The following ABCA2 variants were observed in gnomAD, a reference collection of about 807,000 sequenced individuals.
The protein encoded by ABCA2 is ATP-binding cassette sub-family A member 2.
Under a neutral mutation model 262.8 loss-of-function variants are expected in ABCA2, and 84 were observed. The observed-to-expected ratio is 0.32, with a 90% CI of 0.27 to 0.38. ABCA2 has a LOEUF of 0.38. ABCA2 is among the 10% of genes least tolerant of loss of function. ABCA2 has a pLI of 1.00. For synonymous variants in ABCA2, 1,696 were observed against 1,502.9 expected (o/e 1.13, Z -2.97); for missense variants, 2,662 against 3,405.9 (o/e 0.78, Z 5.44).
At chr9:137,012,457 C>A in intron 32 of ABCA2, 28 bp downstream of exon 32, 1 of 1,609,902 alleles carries the variant, frequency 6.2e-7, no homozygotes. Flanking sequence ...CTACACACAG[C>A]GGGGCCCAGG....
rs748544395 is a variant in ABCA2, at chr9:137,014,367, C to A, written c.4041G>T (p.Ala1347=). ...GACCCTCCCCAGACGCCGGGCCCTC[C>A]GCCCCAGGGAGCACATCCTTCCTGG... The part of the protein sequence containing the change: ...KESRKDVLPG[A]EGPASGEGHA... The change falls in exon 27 of 49, where the codon GCG becomes GCT. Residue 1347 remains alanine (A), a synonymous_variant. Coordinates refer to ENST00000341511, the MANE Select transcript of ABCA2 (RefSeq NM_001606.5). The A allele has an allele frequency of 6.9e-6, 11 of 1,597,366 alleles. No individual in the cohort carries two copies. The highest frequency in any genetic ancestry group is 9.4e-6 in the Non-Finnish European group (11 of 1,172,626).
At chr9:137,024,961 G>A (rs1831603475) in intron 1 of ABCA2, among the ~76,000 whole-genome samples, 1 of 152,184 alleles carries the variant, frequency 6.6e-6, no homozygotes. Flanking sequence ...ACCATGCCCA[G>A]CTAATTTTTT....
chr9:137,012,032 G>A lies in ABCA2; in HGVS notation c.5361-14C>T. On this transcript the variant is annotated splice_polypyrimidine_tract_variant and intron_variant, in intron 34 of 48. Coordinates refer to ENST00000341511, the MANE Select transcript of ABCA2 (RefSeq NM_001606.5). Reference sequence around the variant, plus strand: ...GTGCCCTGCAGCCTGGGGCAAGGAAGCCCTCAGTCCTCACGGCCGGGGCTG... The same window carrying A: ...GTGCCCTGCAGCCTGGGGCAAGGAAACCCTCAGTCCTCACGGCCGGGGCTG... 6.2e-7 allele frequency: 1 copy of A among 1,612,128 alleles called. No individual in the cohort carries two copies. Among genetic ancestry groups the A allele is most frequent in the Non-Finnish European group, 8.5e-7 (1 of 1,179,628 alleles).
intron 1 of ABCA2, chr9:137,027,441 G>C (rs532926956): frequency 6.5e-6 from 1 of 152,762 alleles, no homozygotes; most frequent in Admixed American, 6.5e-5. Flanking sequence ...GATCAGGCTC[G>C]GGGAGAACTG....
In ABCA2 at chr9:137,010,733, T is replaced by C. The variant is rs1436880517; in HGVS notation, c.6061A>G (p.Met2021Val). The C allele has an allele frequency of 3.1e-6, 5 of 1,612,432 alleles. No homozygotes were observed. The highest frequency in any genetic ancestry group is 2.2e-5 in the East Asian group (1 of 44,860). The change falls in exon 40 of 49, where the codon ATG becomes GTG. Residue 2021 changes from methionine to valine, a missense_variant. Met to Val is a conservative substitution (Grantham distance 21). Around this residue, in one of 12 missense-constraint regions of ABCA2, gnomAD observed 602 missense variants for 897.4 expected, o/e 0.67. Transcript: ENST00000341511. ...QYNFLRRPQR[M>V]PVSTKPVEDD... ...TCCACAGGCTTGGTAGACACAGGCA[T>C]GCGCCTTGGGGGACAGGGTGGACAG...
intron 40 of ABCA2, 37 bp downstream of exon 40, chr9:137,010,583 C>A: frequency 1.0e-5 from 9 of 865,118 alleles, no homozygotes; most frequent in Non-Finnish European, 1.7e-5. Context: ...CCCTGGCCTA[C>A]CCCACCCAGG....
In ABCA2 at chr9:137,018,364, G is replaced by C; in HGVS notation, c.1820-13C>G. ...TGGAAGATCACACCTGGGGCCGGGA[G>C]GTTGGGGCGGGGCCAAGATGCAGGG... On this transcript the variant is annotated splice_polypyrimidine_tract_variant and intron_variant, in intron 13 of 48. Transcript: ENST00000341511. The C allele has an allele frequency of 6.3e-7, 1 of 1,584,642 alleles. No homozygotes were observed. Among genetic ancestry groups the C allele is most frequent in the Non-Finnish European group, 8.5e-7 (1 of 1,171,450 alleles).
rs769337769 is a variant in ABCA2 at position 137,022,859 on chromosome 9, C to T, written c.282G>A (p.Thr94=). The change falls in exon 5 of 49, where the codon ACG becomes ACA. Residue 94 remains threonine, a synonymous_variant. Transcript: ENST00000341511. ...CGCGGTCCAGGCGCTCAAGCAGCTG[C>T]GTGACCCTGCACCATGGCGGATGTC... The part of the protein sequence containing the change: ...GFLQYANSTV[T]QLLERLDRVV... The T allele has an allele frequency of 8.4e-5, 113 of 1,337,996 alleles. No individual in the cohort carries two copies. The highest frequency in any genetic ancestry group is 1.1e-4 in the Non-Finnish European group (109 of 1,012,466). The allele number at this position is 1,337,996 out of a possible 1,614,324, so 82.9% of individuals were successfully genotyped here.
chr9:137,021,562 C>T lies in ABCA2; in HGVS notation c.727G>A (p.Gly243Ser). The T allele has an allele frequency of 6.3e-7, 1 of 1,579,854 alleles. No homozygotes were observed. The highest frequency in any genetic ancestry group is 1.8e-5 in the Admixed American group (1 of 54,606). Residue 243 changes from glycine to serine, a missense_variant, in exon 8 of 49, where the codon GGC becomes AGC. Physicochemically the swap from Gly to Ser is moderately conservative, Grantham distance 56 (BLOSUM62 0). Transcript: ENST00000341511. The surrounding 1 kb of genome is among the most constrained non-coding windows in gnomAD (Gnocchi z 6.0). ...ALLEQLTCTP[G>S]SGELGRILTV... ...AGGATCCGGCCCAGCTCCCCCGAGC[C>T]CGGCGTGCAGGTGAGCTGCTCCAGG...
intron 2 of ABCA2, 94 bp from the exon 3 acceptor site, chr9:137,023,934 A>G: frequency 1.5e-6 from 2 of 1,301,566 alleles, no homozygotes; most frequent in Non-Finnish European, 2.2e-6. Flanking sequence ...CACCAGGAAG[A>G]GGCGTTGGCA....
Position 137,016,664 on chromosome 9 carries a change from C to G in ABCA2, c.2833G>C (p.Ala945Pro). The G allele has an allele frequency of 6.2e-7, 1 of 1,602,632 alleles. No homozygotes were observed. Among genetic ancestry groups the G allele is most frequent in the Non-Finnish European group, 8.5e-7 (1 of 1,174,952 alleles). ...SYWLGSGRTEAWEWSWPWART... is the reference protein window; with the variant it reads ...SYWLGSGRTEPWEWSWPWART... The stretch of plus-strand genomic sequence containing the variant: ...GCCCACGGCCAGCTCCACTCCCAGG[C>G]TTCTGTCCGCCCACTGCCCAGCCAG... The change falls in exon 20 of 49, where the codon GCC (alanine) becomes CCC (proline). Residue 945 changes from alanine to proline, a missense_variant. By Grantham distance (27) the Ala-to-Pro change is conservative (BLOSUM62 -1). Around this residue, in one of 12 missense-constraint regions of ABCA2, gnomAD observed 133 missense variants for 150.8 expected, o/e 0.88. Coordinates refer to ENST00000341511, the MANE Select transcript of ABCA2 (RefSeq NM_001606.5).
At chr9:137,018,409 G>A in intron 13 of ABCA2, 58 bp from the exon 14 acceptor site, 1 of 1,303,130 alleles carries the variant, frequency 7.7e-7, no homozygotes, top group Non-Finnish European at 1.0e-6. Flanking sequence ...AGGCGTGGTG[G>A]GGGGGAAAGC....
chr9:137,016,587 C>T lies in ABCA2; in HGVS notation c.2910G>A (p.Glu970=). 1 of 1,612,236 alleles carries T rather than the reference C, an allele frequency of 6.2e-7. No homozygotes were observed. Among genetic ancestry groups the T allele is most frequent in the South Asian group, 1.1e-5 (1 of 91,084 alleles). The change falls in exon 20 of 49, where the codon GAG becomes GAA. Residue 970 remains glutamate, a synonymous_variant. Coordinates refer to ENST00000341511, the MANE Select transcript of ABCA2 (RefSeq NM_001606.5). ...VMEEDQACAM[E]SRRFEETRGM... is the part of the protein sequence containing the mutation. ...TGCCAGCCTCACCAAAGCGCCGGCT[C>T]TCCATGGCACAGGCCTGGTCCTCCT...
Position 137,012,562 on chromosome 9 carries a change from G to A in ABCA2, c.5110C>T (p.Leu1704=). 6.2e-7 allele frequency: 1 copy of A among 1,611,984 alleles called. No homozygotes were observed. The highest frequency in any genetic ancestry group is 1.1e-5 in the South Asian group (1 of 91,090). Residue 1704 remains leucine, a synonymous_variant, in exon 32 of 49, where the codon CTG becomes TTG. Transcript: ENST00000341511. ...CCAAATGAGGCTGGGATGGACTTCA[G>A]GACGTTTCCAAAGGTGATGGCCCCA... ...RYGAITFGNV[L]KSIPASFGTR...
chr9:137,028,108 G>T lies in ABCA2; in HGVS notation c.33C>A (p.Leu11=). The T allele has an allele frequency of 1.0e-6, 1 of 988,496 alleles. No individual in the cohort carries two copies. The highest frequency in any genetic ancestry group is 1.2e-6 in the Non-Finnish European group (1 of 831,934). The allele number at this position is 988,496 out of a possible 1,614,324, so 61.2% of individuals were successfully genotyped here. A position where few individuals can be genotyped will look rare whatever the true frequency, so the allele number is the denominator to read the frequency against. MGFLHQLQLL[L]WKNVTLKRRS... is the part of the protein sequence containing the mutation. ...GGCGTTTGAGCGTCACGTTCTTCCA[G>T]AGCAGCAGCTGCAGCTGGTGCAGGA... is the stretch of plus-strand genomic sequence containing the variant. The change falls in exon 1 of 49, where the codon CTC becomes CTA. Residue 11 remains leucine, a synonymous_variant. Transcript: ENST00000341511. The surrounding 1 kb of genome is among the most constrained non-coding windows in gnomAD (Gnocchi z 6.9).
rs376746889 is a variant in ABCA2 at position 137,013,997 on chromosome 9, G to T, written c.4282C>A (p.Arg1428Ser). 4 of 1,611,890 alleles carry T rather than the reference G, an allele frequency of 2.5e-6. No individual in the cohort carries two copies. The African/African-American group carries it at 5.3e-5, about 22-fold the overall frequency. ...TTCAGCCACCCGCCGTCCAGCTTGCGGCTGCCCTGGCCGACCCTCGACAGG... is the reference window on the plus strand; with the variant it reads ...TTCAGCCACCCGCCGTCCAGCTTGCTGCTGCCCTGGCCGACCCTCGACAGG... Reference protein sequence around the residue: ...EALSRVGQGSRKLDGGWLKVR... With the variant: ...EALSRVGQGSSKLDGGWLKVR... The change falls in exon 28 of 49, where the codon CGC (arginine) becomes AGC (serine). Residue 1428 changes from arginine (R) to serine (S), a missense_variant. Around this residue, in one of 12 missense-constraint regions of ABCA2, gnomAD observed 297 missense variants for 286.5 expected, o/e 1.04. Coordinates refer to ENST00000341511, the MANE Select transcript of ABCA2 (RefSeq NM_001606.5).
In ABCA2 at chr9:137,007,872, C is replaced by T; in HGVS notation, c.*57G>A. ...GACTTCTGTCCCCATTGTTGAGTCC[C>T]TGGCCCAGCTCTGGGTGGTCAGTGG... On this transcript the variant is annotated 3_prime_UTR_variant, in exon 49 of 49. Coordinates refer to ENST00000341511, the MANE Select transcript of ABCA2 (RefSeq NM_001606.5). 6.3e-7 allele frequency: 1 copy of T among 1,598,868 alleles called. No homozygotes were observed. The highest frequency in any genetic ancestry group is 8.5e-7 in the Non-Finnish European group (1 of 1,177,988).
chr9:137,012,532 T>C lies in ABCA2; in HGVS notation c.5140A>G (p.Arg1714Gly), dbSNP rs764094962. The C allele has an allele frequency of 3.1e-6, 5 of 1,611,982 alleles. No individual in the cohort carries two copies. In the East Asian group the frequency reaches 1.1e-4, roughly 36 times the overall value. Reference protein sequence around the residue: ...LKSIPASFGTRAPPMVRKIAV... With the variant: ...LKSIPASFGTGAPPMVRKIAV... ...ATCTTCCGCACCATGGGTGGGGCCC[T>C]GGTGCCAAATGAGGCTGGGATGGAC... is the stretch of plus-strand genomic sequence containing the variant. Residue 1714 changes from arginine (R) to glycine (G), a missense_variant, in exon 32 of 49, where the codon AGG (arginine) becomes GGG (glycine). Arg to Gly is a moderately radical substitution (Grantham distance 125, BLOSUM62 -2). Coordinates refer to ENST00000341511, the MANE Select transcript of ABCA2 (RefSeq NM_001606.5).
intron 1 of ABCA2, among the ~76,000 whole-genome samples, chr9:137,025,605 G>T (rs1490265420): frequency 6.6e-6 from 1 of 152,172 alleles, no homozygotes; most frequent in African/African-American, 2.4e-5. Context: ...GCCTCCACCC[G>T]CTCCCTGAGC....
Sources: allele counts gnomAD v4.1 joint callset (sites outside exome capture counted in the v4.1 genomes callset), GRCh38; gene constraint gnomAD v4.1.1; regional missense constraint gnomAD v4.1.1; non-coding constraint Gnocchi (gnomAD v3.1); transcripts MANE v1.5; gene names NCBI Gene and HGNC (gene_info 2026-07-23, HGNC 2026-07-21).